The following PXDNL variants were observed in gnomAD, a reference collection of about 807,000 sequenced individuals.
The protein encoded by PXDNL is probable oxidoreductase PXDNL.
In PXDNL, 145 loss-of-function variants were observed where a neutral mutation model predicts 150.8. That is an observed-to-expected ratio of 0.96 (90% CI 0.84 to 1.10). The LOEUF (loss-of-function observed/expected upper bound fraction) is 1.10. Ranked by LOEUF, PXDNL falls within the 50% of genes least tolerant of loss-of-function variation. The pLI, the probability that PXDNL is intolerant of heterozygous loss-of-function variation, is 0.00. For missense variants in PXDNL, 2,087 were observed against 1,873.9 expected (o/e 1.11, Z -2.10); for synonymous variants, 757 against 725.7 (o/e 1.04, Z -0.69).
intron 1 of PXDNL, among the ~76,000 whole-genome samples, chr8:51,763,809 T>A (rs2037194723): frequency 6.6e-6 from 1 of 152,238 alleles, no homozygotes; most frequent in Non-Finnish European, 1.5e-5. Flanking sequence ...TGTTGTAGCA[T>A]GAATTAATAC....
intron 12 of PXDNL, among the ~76,000 whole-genome samples, chr8:51,443,326 C>T (rs948832763): frequency 1.3e-5 from 2 of 151,852 alleles, no homozygotes; most frequent in Admixed American, 6.6e-5. Context: ...AAGACAGATA[C>T]GAAAAAAGCC....
At chr8:51,522,259 A>G (rs2130387797) in intron 4 of PXDNL, among the ~76,000 whole-genome samples, 1 of 152,340 alleles carries the variant, frequency 6.6e-6, no homozygotes, top group East Asian at 1.9e-4. Context: ...ATCAAAAATA[A>G]GAGAAACTAT....
intron 12 of PXDNL, among the ~76,000 whole-genome samples, chr8:51,431,774 T>G (rs1563409661): frequency 6.6e-6 from 1 of 152,218 alleles, no homozygotes; most frequent in Non-Finnish European, 1.5e-5. Flanking sequence ...AGGTCCACGC[T>G]CAGAAACCAA....
chr8:51,423,798 TA>T, intron 13 of PXDNL, 67 bp from the exon 14 acceptor site: 1 of 1,452,822 alleles, frequency 6.9e-7, no homozygotes, highest in African/African-American at 1.4e-5. Context: ...ATTTACTTTT[TA>T]AAATGTGGGT....
intron 1 of PXDNL, among the ~76,000 whole-genome samples, chr8:51,660,679 T>A (rs961284037): frequency 6.6e-6 from 1 of 152,182 alleles, no homozygotes; most frequent in African/African-American, 2.4e-5. Flanking sequence ...GTCACTGGAA[T>A]GGCACAAGCC....
chr8:51,636,563 A>C (rs1212340819), intron 2 of PXDNL, among the ~76,000 whole-genome samples: 1 of 152,190 alleles, frequency 6.6e-6, no homozygotes, highest in African/African-American at 2.4e-5. Context: ...AATAATCTGA[A>C]AAGAAAATTA....
chr8:51,749,775 A>T (rs1465938134), intron 1 of PXDNL, among the ~76,000 whole-genome samples: 2 of 152,146 alleles, frequency 1.3e-5, no homozygotes, highest in African/African-American at 4.8e-5. Flanking sequence ...ATCTCGGCTC[A>T]CTGCAACCTC....
chr8:51,418,129 G>A (rs1381822155), intron 14 of PXDNL, among the ~76,000 whole-genome samples: 3 of 152,148 alleles, frequency 2.0e-5, no homozygotes, highest in African/African-American at 7.2e-5. Context: ...TAAAATGGAT[G>A]AGAAATGTGT....
At chr8:51,376,549 A>G (rs1439807374) in intron 17 of PXDNL, among the ~76,000 whole-genome samples, 1 of 152,062 alleles carries the variant, frequency 6.6e-6, no homozygotes, top group Non-Finnish European at 1.5e-5. Context: ...ACATAGCTTT[A>G]TTTGAAATAC....
intron 14 of PXDNL, among the ~76,000 whole-genome samples, chr8:51,419,731 A>ATTTATT (rs1808896967): frequency 6.6e-6 from 1 of 152,228 alleles, no homozygotes; most frequent in African/African-American, 2.4e-5. Context: ...GTTATTATTA[A>ATTTATT]ATATTTTTTA....
intron 3 of PXDNL, among the ~76,000 whole-genome samples, chr8:51,560,563 A>G (rs1812697799): frequency 6.6e-6 from 1 of 151,956 alleles, no homozygotes; most frequent in Non-Finnish European, 1.5e-5. Context: ...AGGAAAGGAA[A>G]ATCTGTTCAA....
chr8:51,410,923 T>C (rs1563400188), intron 16 of PXDNL, among the ~76,000 whole-genome samples: 1 of 152,122 alleles, frequency 6.6e-6, no homozygotes, highest in Non-Finnish European at 1.5e-5. Context: ...TGGAAGAATA[T>C]CCCCCTGGTA....
intron 1 of PXDNL, among the ~76,000 whole-genome samples, chr8:51,724,937 C>T (rs528864471): frequency 6.6e-6 from 1 of 152,314 alleles, no homozygotes; most frequent in Admixed American, 6.5e-5. Context: ...AGCCAGACTC[C>T]TCTAACTCAC....
intron 5 of PXDNL, among the ~76,000 whole-genome samples, chr8:51,490,959 T>C (rs770564113): frequency 6.6e-6 from 1 of 152,044 alleles, no homozygotes; most frequent in South Asian, 2.1e-4. Flanking sequence ...CAAAGGAGAT[T>C]AACATTTGAG....
At position 51,411,281 on chromosome 8, in the gene PXDNL, C is replaced by T. The variant is rs1278343960; in HGVS notation, c.2031G>A (p.Lys677=). The change falls in exon 16 of 23, where the codon AAG becomes AAA. Residue 677 remains lysine (K), a synonymous_variant. Transcript: ENST00000356297. ...CTTCCAAGTCCACAGTGAGCCCCTG[C>T]TTCACACGTTCCCGTATCAGCTGCA... ...HTLQLIRERV[K]QGLTVDLEGK... 1 of 1,535,782 alleles carries T rather than the reference C, an allele frequency of 6.5e-7. No homozygotes were observed. The highest frequency in any genetic ancestry group is 8.7e-7 in the Non-Finnish European group (1 of 1,145,162).
chr8:51,434,903 T>C (rs565136819), intron 12 of PXDNL, among the ~76,000 whole-genome samples: 1 of 152,306 alleles, frequency 6.6e-6, no homozygotes, highest in Admixed American at 6.5e-5. Flanking sequence ...AAGGAGCTCT[T>C]AAGGATATAT....
Position 51,408,910 on chromosome 8 carries a change from C to G in PXDNL, c.2714G>C (p.Arg905Pro), listed in dbSNP as rs201163014. 2.5e-6 allele frequency: 4 copies of G among 1,609,488 alleles called. No individual in the cohort carries two copies. The African/African-American group carries it at 4.0e-5, about 16-fold the overall frequency. Residue 905 changes from arginine to proline, a missense_variant, in exon 17 of 23, where the codon CGG becomes CCG. Transcript: ENST00000356297. ...AGGGTCTCTGAGAGCCTGGGATTCC[C>G]GCTCCGAGCTCCCGTAAACGTTGGA... ...DGSNVYGSSE[R>P]ESQALRDPSV...
At chr8:51,500,658 T>G (rs1159448766) in intron 4 of PXDNL, among the ~76,000 whole-genome samples, 2 of 152,220 alleles carry the variant, frequency 1.3e-5, no homozygotes, top group East Asian at 3.8e-4. Flanking sequence ...CAGTCTATAG[T>G]GAACTGCTGA....
At chr8:51,470,904 C>T (rs1448713488) in intron 8 of PXDNL, among the ~76,000 whole-genome samples, 1 of 151,966 alleles carries the variant, frequency 6.6e-6, no homozygotes, top group African/African-American at 2.4e-5. Context: ...CTAGGTAATA[C>T]CATTCAGGAC....
Sources: allele counts gnomAD v4.1 joint callset (sites outside exome capture counted in the v4.1 genomes callset), GRCh38; gene constraint gnomAD v4.1.1; transcripts MANE v1.5; gene names NCBI Gene and HGNC (gene_info 2026-07-23, HGNC 2026-07-21).